CNTN5: variants seen among roughly 807,000 people sequenced by gnomAD.
CNTN5 encodes the protein contactin-5.
CNTN5 carries 77 observed loss-of-function variants against 129.1 expected under a neutral mutation model. The observed-to-expected ratio is 0.60, with a 90% CI of 0.50 to 0.72. The LOEUF is 0.72. Ranked by LOEUF, CNTN5 falls within the 30% of genes least tolerant of loss-of-function variation. The pLI is 0.00. For synonymous variants in CNTN5, 509 were observed against 465.6 expected (o/e 1.09, Z -1.20); for missense variants, 1,478 against 1,328.8 (o/e 1.11, Z -1.75).
At chr11:99,471,369 T>TCATGTACATGAGATCTGGATGTA (rs1216261313) in intron 2 of CNTN5, among the ~76,000 whole-genome samples, 1 of 152,082 alleles carries the variant, frequency 6.6e-6, no homozygotes, top group Admixed American at 6.6e-5. Flanking sequence ...GTTTTTACTC[T>TCATGTACATGAGATCTGGATGTA]CATGTACTTT....
intron 1 of CNTN5, among the ~76,000 whole-genome samples, chr11:99,164,319 T>A (rs1474367064): frequency 8.9e-6 from 1 of 112,294 alleles, no homozygotes; most frequent in Non-Finnish European, 1.7e-5. Flanking sequence ...CAACACTCCA[T>A]CTCAAAAAAA....
At chr11:99,838,281 C>T (rs1342224084) in intron 4 of CNTN5, among the ~76,000 whole-genome samples, 3 of 152,160 alleles carry the variant, frequency 2.0e-5, no homozygotes, top group Middle Eastern at 3.2e-3. Context: ...GTTCTTCTTC[C>T]AGTTCTGAAA....
At chr11:99,354,448 A>G (rs953185624) in intron 2 of CNTN5, among the ~76,000 whole-genome samples, 2 of 152,182 alleles carry the variant, frequency 1.3e-5, no homozygotes, top group East Asian at 3.8e-4. Flanking sequence ...GAAACTGGAG[A>G]TTGCTATAAG....
At chr11:99,861,313 T>C (rs1187349465) in intron 6 of CNTN5, among the ~76,000 whole-genome samples, 1 of 152,172 alleles carries the variant, frequency 6.6e-6, no homozygotes, top group Non-Finnish European at 1.5e-5. Context: ...TAGTTCTCCT[T>C]GGAGAGATCT....
intron 2 of CNTN5, among the ~76,000 whole-genome samples, chr11:99,393,647 C>A (rs1317120687): frequency 6.6e-6 from 1 of 151,762 alleles, no homozygotes; most frequent in Non-Finnish European, 1.5e-5. Context: ...ACTTACCATT[C>A]ATTTGTTAGC....
intron 3 of CNTN5, among the ~76,000 whole-genome samples, chr11:99,696,143 AT>A (rs1954261114): frequency 1.3e-5 from 2 of 152,008 alleles, no homozygotes. Flanking sequence ...TGAATCCAAT[AT>A]TTTCTTTATA....
intron 1 of CNTN5, among the ~76,000 whole-genome samples, chr11:99,232,822 A>G (rs756286414): frequency 3.3e-5 from 5 of 152,192 alleles, no homozygotes; most frequent in Non-Finnish European, 5.9e-5. Context: ...CTTGTCTCTT[A>G]TATTTCTGTT....
chr11:100,069,878 A>C (rs2137859413), intron 10 of CNTN5, among the ~76,000 whole-genome samples: 1 of 152,236 alleles, frequency 6.6e-6, no homozygotes, highest in East Asian at 1.9e-4. Context: ...TTCTTAATAA[A>C]ATAAATTTTC....
intron 9 of CNTN5, among the ~76,000 whole-genome samples, chr11:100,041,643 C>T (rs1050902202): frequency 1.3e-5 from 2 of 152,194 alleles, no homozygotes; most frequent in Non-Finnish European, 2.9e-5. Flanking sequence ...GAAAGGAAGG[C>T]AGCCAATTGC....
chr11:99,793,871 GAGA>G (rs1458607661), intron 3 of CNTN5, among the ~76,000 whole-genome samples: 2 of 152,198 alleles, frequency 1.3e-5, no homozygotes, highest in African/African-American at 4.8e-5. Context: ...ATGTGCACAT[GAGA>G]AGAATACATA....
Position 99,025,469 on chromosome 11 carries a change from C to T in CNTN5, c.-210+4199C>T, listed in dbSNP as rs545431281. 2.0e-5 allele frequency among the ~76,000 whole-genome samples: 3 copies of T among 151,818 alleles called. No individual in the cohort carries two copies. In the South Asian group the frequency reaches 6.2e-4, roughly 32 times the overall value. On this transcript the variant is annotated intron_variant, in intron 1 of 24. Coordinates refer to ENST00000524871, the MANE Select transcript of CNTN5 (RefSeq NM_014361.4). ...ATAGGATTCTTATAGCTGCTAACAA[C>T]CCAGAAAGGAGAACATCTCATCTTC...
At chr11:99,745,307 A>G (rs990698285) in intron 3 of CNTN5, among the ~76,000 whole-genome samples, 3 of 152,182 alleles carry the variant, frequency 2.0e-5, no homozygotes, top group African/African-American at 7.2e-5. Context: ...AACTGACTCT[A>G]CACTTCTGTA....
chr11:99,279,960 A>G (rs1210118929), intron 1 of CNTN5, among the ~76,000 whole-genome samples: 2 of 151,596 alleles, frequency 1.3e-5, no homozygotes, highest in Admixed American at 6.6e-5. Context: ...TTTCTAGGCA[A>G]CAAAGCATAA....
intron 3 of CNTN5, among the ~76,000 whole-genome samples, chr11:99,672,004 CTG>C (rs1953065957): frequency 1.3e-5 from 2 of 152,156 alleles, no homozygotes; most frequent in Non-Finnish European, 2.9e-5. Context: ...TCCAAATGTG[CTG>C]TGTCATCATC....
intron 2 of CNTN5, among the ~76,000 whole-genome samples, chr11:99,356,192 C>A (rs1234627697): frequency 5.3e-5 from 8 of 152,114 alleles, no homozygotes; most frequent in South Asian, 2.1e-4. Context: ...TTAACCACCC[C>A]CCCCCAACCA....
intron 3 of CNTN5, among the ~76,000 whole-genome samples, chr11:99,733,334 A>G (rs956389476): frequency 2.6e-5 from 4 of 151,446 alleles, no homozygotes; most frequent in Non-Finnish European, 4.4e-5. Context: ...AAAAAAAAAA[A>G]AAAAGCCTTA....
rs1445820922 is a variant in CNTN5 at position 99,532,714 on chromosome 11, C to A, written c.-70-23431C>A. ...TTTCTGCCTTTCTTTCTTCCTCATT[C>A]TCTCTTGCTGCTGCCATGTAAGAAG... On this transcript the variant is annotated intron_variant, in intron 2 of 24. Coordinates refer to ENST00000524871, the MANE Select transcript of CNTN5 (RefSeq NM_014361.4). 3.9e-5 allele frequency among the ~76,000 whole-genome samples: 6 copies of A among 152,174 alleles called. No individual in the cohort carries two copies. In the East Asian group the frequency reaches 1.2e-3, roughly 29 times the overall value.
chr11:100,166,342 A>G (rs534055036), intron 13 of CNTN5, among the ~76,000 whole-genome samples: 2 of 151,866 alleles, frequency 1.3e-5, no homozygotes, highest in Non-Finnish European at 3.0e-5. Flanking sequence ...CCCCCGGCAT[A>G]TGAAAATGTT....
chr11:99,440,145 T>C (rs1206612517), intron 2 of CNTN5, among the ~76,000 whole-genome samples: 2 of 152,128 alleles, frequency 1.3e-5, no homozygotes, highest in Admixed American at 6.6e-5. Flanking sequence ...TTTCAATAAA[T>C]GAGGATAATT....
Sources: gnomAD v4.1 joint callset for allele counts (sites outside exome capture counted in the v4.1 genomes callset) on GRCh38, gnomAD v4.1.1 for gene constraint, MANE v1.5 for transcripts, NCBI Gene and HGNC (gene_info 2026-07-23, HGNC 2026-07-21) for gene names.